Variants in VPS37A observed in about 807,000 individuals in gnomAD.
The protein encoded by VPS37A is VPS37A subunit of ESCRT-I, also known as vacuolar protein sorting-associated protein 37A.
In VPS37A, 30 loss-of-function variants were observed where a neutral mutation model predicts 49.8. The observed-to-expected ratio is 0.60, with a 90% CI of 0.45 to 0.82. The LOEUF is 0.82. VPS37A is among the 40% of genes least tolerant of loss of function. VPS37A has a pLI of 0.00. For missense variants in VPS37A, 593 were observed against 464.4 expected, an observed-to-expected ratio of 1.28 and a Z score of -2.55; for synonymous variants, 195 against 160.6, an observed-to-expected ratio of 1.21 and a Z score of -1.62.
intron 1 of VPS37A, among the ~76,000 whole-genome samples, chr8:17,259,182 T>A (rs1427061634): frequency 6.6e-6 from 1 of 152,110 alleles, no homozygotes; most frequent in Non-Finnish European, 1.5e-5. Context: ...TTATTTGAAG[T>A]CTTTTTACTT....
intron 1 of VPS37A, among the ~76,000 whole-genome samples, chr8:17,253,406 T>A (rs1812153539): frequency 6.6e-6 from 1 of 152,246 alleles, no homozygotes; most frequent in African/African-American, 2.4e-5. Context: ...TTCAGTAGTT[T>A]CCTAACTCTT....
intron 1 of VPS37A, among the ~76,000 whole-genome samples, chr8:17,252,303 C>A (rs1432301471): frequency 6.6e-6 from 1 of 152,138 alleles, no homozygotes; most frequent in Non-Finnish European, 1.5e-5. Context: ...AGGCACATGC[C>A]ATCATGCCTG....
intron 11 of VPS37A, among the ~76,000 whole-genome samples, chr8:17,288,967 C>G (rs1270979203): frequency 6.6e-6 from 1 of 152,120 alleles, no homozygotes; most frequent in Non-Finnish European, 1.5e-5. Flanking sequence ...TCTCTAGTGA[C>G]CAGTGATGAT....
At chr8:17,310,270 G>A in the VPS37A span, among the ~76,000 whole-genome samples, 1 of 152,016 alleles carries the variant, frequency 6.6e-6, no homozygotes, top group South Asian at 2.1e-4. Flanking sequence ...CAAAATGCTG[G>A]GATTACAGGT....
At chr8:17,268,977 TAAA>T in intron 4 of VPS37A, 21 bp downstream of exon 4, 3 of 1,503,890 alleles carry the variant, frequency 2.0e-6, no homozygotes, top group Non-Finnish European at 2.7e-6. Flanking sequence ...TTCTAGTAAA[TAAA>T]AAAGTCTGCC....
intron 1 of VPS37A, among the ~76,000 whole-genome samples, chr8:17,252,597 A>G (rs1207178379): frequency 2.0e-5 from 3 of 152,190 alleles, no homozygotes; most frequent in Non-Finnish European, 1.5e-5. Flanking sequence ...TTAAAATGGA[A>G]AATCTGGAAA....
chr8:17,287,576 G>A (rs1300152374), intron 11 of VPS37A, among the ~76,000 whole-genome samples: 2 of 151,962 alleles, frequency 1.3e-5, no homozygotes, highest in African/African-American at 2.4e-5. Context: ...TACTCGGGAG[G>A]CTGAGGCAGG....
At chr8:17,277,425 T>G (rs1814612932) in intron 6 of VPS37A, among the ~76,000 whole-genome samples, 1 of 152,002 alleles carries the variant, frequency 6.6e-6, no homozygotes, top group Non-Finnish European at 1.5e-5. Flanking sequence ...GCAAAAAAGG[T>G]GAAGAAACTA....
intron 9 of VPS37A, among the ~76,000 whole-genome samples, chr8:17,283,789 A>G (rs961956009): frequency 1.3e-5 from 2 of 152,148 alleles, no homozygotes; most frequent in African/African-American, 4.8e-5. Flanking sequence ...ATCATCTTTA[A>G]GATTGTTTTG....
At chr8:17,299,718 G>C (rs1816974857), downstream of VPS37A, 1 of 1,098,666 alleles carries the variant, frequency 9.1e-7, no homozygotes, top group Non-Finnish European at 1.3e-6. Context: ...CAAGAACTGG[G>C]CACTTTTTTC....
At chr8:17,304,417 G>T, downstream of VPS37A, 1 of 1,613,980 alleles carries the variant, frequency 6.2e-7, no homozygotes. Flanking sequence ...GGAGATGAAG[G>T]GTTCCCTGAG....
chr8:17,312,574 C>CAAAA, the VPS37A span, among the ~76,000 whole-genome samples: 38 of 87,248 alleles, frequency 4.4e-4, no homozygotes, highest in Admixed American at 1.7e-3. Flanking sequence ...GACTCCCTCT[C>CAAAA]AAAAAAAAAA....
chr8:17,299,950 C>G (rs763915529), downstream of VPS37A: 11 of 1,614,052 alleles, frequency 6.8e-6, no homozygotes, highest in Middle Eastern at 1.6e-4. Context: ...TGGAGACCGA[C>G]AGCTCAAATC....
In VPS37A at chr8:17,268,847, T is replaced by G; in HGVS notation, c.316-9T>G. The stretch of plus-strand genomic sequence containing the variant: ...AGTGATTTTAAGCGTCATGTATTGT[T>G]ACTTTCAGTTTACAATGCACTCAGA... On this transcript the variant is annotated splice_polypyrimidine_tract_variant and intron_variant, in intron 3 of 11. Coordinates refer to ENST00000324849, the MANE Select transcript of VPS37A (RefSeq NM_152415.3). 6.4e-7 allele frequency: 1 copy of G among 1,571,814 alleles called. No individual in the cohort carries two copies. The highest frequency in any genetic ancestry group is 2.2e-5 in the East Asian group (1 of 44,448).
At chr8:17,271,732 C>G (rs1426233920) in intron 4 of VPS37A, among the ~76,000 whole-genome samples, 1 of 152,176 alleles carries the variant, frequency 6.6e-6, no homozygotes, top group Non-Finnish European at 1.5e-5. Context: ...GAGACAATGT[C>G]TTTAAGATTC....
At position 17,296,245 on chromosome 8, in the gene VPS37A, C is replaced by CTGTT. The variant is rs748898148; in HGVS notation, c.*1263_*1266dup. 2 of 152,156 alleles carry CTGTT rather than the reference C, an allele frequency of 1.3e-5. No homozygotes were observed. Among genetic ancestry groups the CTGTT allele is most frequent in the East Asian group, 3.9e-4 (2 of 5,184 alleles). 9.4% of individuals were successfully genotyped at this position (152,156 alleles called of 1,614,324 possible). A position where few individuals can be genotyped will look rare whatever the true frequency, so the allele number is the denominator to read the frequency against. On this transcript the variant is annotated 3_prime_UTR_variant, in exon 12 of 12. Transcript: ENST00000324849. Reference sequence around the variant, plus strand: ...AATTAAAACATGCTTAATATTTAGTCTGTTTGTGGAGGGCAGGTATTCACG... The same window carrying CTGTT: ...AATTAAAACATGCTTAATATTTAGTCTGTTTGTTTGTGGAGGGCAGGTATTCACG...
chr8:17,304,019 G>A (rs1321102148), downstream of VPS37A, among the ~76,000 whole-genome samples: 1 of 152,130 alleles, frequency 6.6e-6, no homozygotes, highest in Non-Finnish European at 1.5e-5. Flanking sequence ...AATTATTTTT[G>A]CTCCAACCTT....
At chr8:17,317,647 G>C in the VPS37A span, among the ~76,000 whole-genome samples, 1 of 152,168 alleles carries the variant, frequency 6.6e-6, no homozygotes, top group East Asian at 1.9e-4. Flanking sequence ...GGAGGAAGGA[G>C]GCTGGGACCC....
intron 1 of VPS37A, among the ~76,000 whole-genome samples, chr8:17,255,718 C>T (rs998680086): frequency 6.6e-6 from 1 of 152,138 alleles, no homozygotes; most frequent in African/African-American, 2.4e-5. Context: ...GTTTACCCTT[C>T]CTAGTGTCTG....
Sources: allele counts gnomAD v4.1 joint callset (sites outside exome capture counted in the v4.1 genomes callset), GRCh38; gene constraint gnomAD v4.1.1; transcripts MANE v1.5; gene names NCBI Gene and HGNC (gene_info 2026-07-23, HGNC 2026-07-21).